The following RUFY1 variants were observed in gnomAD, a reference collection of about 807,000 sequenced individuals.
RUFY1 encodes RUN and FYVE domain-containing protein 1.
A neutral mutation model predicts 94.6 loss-of-function variants in RUFY1; 54 were observed. That is an observed-to-expected ratio of 0.57 (90% CI 0.46 to 0.72). The LOEUF (loss-of-function observed/expected upper bound fraction) is 0.72. RUFY1 is among the 30% of genes least tolerant of loss of function. The pLI is 0.00. For missense variants in RUFY1, 883 were observed against 883.9 expected (o/e 1.00, Z 0.01); for synonymous variants, 396 against 347.3 (o/e 1.14, Z -1.56).
intron 15 of RUFY1, 47 bp from the exon 16 acceptor site, chr5:179,605,829 C>A: frequency 1.2e-5 from 12 of 1,008,010 alleles, no homozygotes; most frequent in Admixed American, 5.2e-5. Flanking sequence ...GGATTCAGAG[C>A]CTCACTCTCT....
At chr5:179,608,562 T>TCTTC in intron 17 of RUFY1, 1 of 985,482 alleles carries the variant, frequency 1.0e-6, no homozygotes, top group Non-Finnish European at 1.2e-6. Context: ...CGAACCAGAC[T>TCTTC]CTTCCTGTAA....
intron 2 of RUFY1, among the ~76,000 whole-genome samples, chr5:179,561,342 G>A (rs1383056592): frequency 1.3e-5 from 2 of 152,056 alleles, no homozygotes; most frequent in East Asian, 3.8e-4. Context: ...GAGAGGAGGG[G>A]AGGACATGAG....
intron 3 of RUFY1, among the ~76,000 whole-genome samples, chr5:179,566,256 TTTCTTTTCTC>T (rs1762820553): frequency 6.6e-6 from 1 of 152,228 alleles, no homozygotes; most frequent in Non-Finnish European, 1.5e-5. Flanking sequence ...CCTTTTTTCT[TTTCTTTTCTC>T]TTCTTTTCTT....
At chr5:179,609,309 A>G in intron 17 of RUFY1, 67 bp from the exon 18 acceptor site, 1 of 1,547,674 alleles carries the variant, frequency 6.5e-7, no homozygotes, top group East Asian at 2.3e-5. Flanking sequence ...CTGGGTCAGG[A>G]AGCAGGGAGG....
rs551377183 is a variant in RUFY1 at position 179,609,164 on chromosome 5, G to GCA, written c.1984-211_1984-210insAC. On this transcript the variant is annotated intron_variant, in intron 17 of 17. Transcript: ENST00000319449. The stretch of plus-strand genomic sequence containing the variant: ...AGAGCTTGCAGTGAGCTGAGATCGC[G>GCA]CCACTGCACTGCAGCCCGGGCGACT... Among the ~76,000 whole-genome samples the GCA allele has an allele frequency of 1.9e-3, 262 of 139,480 alleles. 1 individual carries two copies. Among genetic ancestry groups the GCA allele is most frequent in the African/African-American group, 6.8e-3 (254 of 37,494 alleles). 91.5% of individuals were successfully genotyped at this position (139,480 alleles called of 152,430 possible). A position where few individuals can be genotyped will look rare whatever the true frequency, so the allele number is the denominator to read the frequency against.
intron 14 of RUFY1, 107 bp downstream of exon 14, chr5:179,598,928 G>A (rs1203867684): frequency 1.7e-5 from 22 of 1,311,296 alleles, no homozygotes; most frequent in South Asian, 1.2e-4. Context: ...GGGGCCAGGC[G>A]GCTCCAGGGT....
In RUFY1 at chr5:179,596,544, T is replaced by G. The variant is rs761709098; in HGVS notation, c.1512-18T>G. The G allele has an allele frequency of 1.2e-6, 2 of 1,613,624 alleles. No individual in the cohort carries two copies. The highest frequency in any genetic ancestry group is 2.7e-5 in the African/African-American group (2 of 74,932). On this transcript the variant is annotated intron_variant, in intron 12 of 17. Transcript: ENST00000319449. ...CAAAGATTTGCTTCATTTGCACTCT[T>G]GCTGGTGTCGCATCCAGGTTGCAGC...
chr5:179,556,338 GT>G (rs1762113438), intron 1 of RUFY1, among the ~76,000 whole-genome samples: 1 of 152,118 alleles, frequency 6.6e-6, no homozygotes, highest in Non-Finnish European at 1.5e-5. Flanking sequence ...CAAAAAGTAT[GT>G]AAATAAGTTA....
intron 4 of RUFY1, chr5:179,568,969 C>A: frequency 2.3e-6 from 2 of 883,856 alleles, no homozygotes; most frequent in Non-Finnish European, 2.7e-6. Flanking sequence ...AGAAGTAATT[C>A]ATATCAACAC....
chr5:179,606,011 G>A, intron 16 of RUFY1, 87 bp downstream of exon 16: 1 of 881,976 alleles, frequency 1.1e-6, no homozygotes, highest in Non-Finnish European at 1.9e-6. Flanking sequence ...CAACAGTCAG[G>A]TGAGAGCGTG....
At chr5:179,564,642 C>T (rs1276587093) in intron 3 of RUFY1, among the ~76,000 whole-genome samples, 1 of 150,708 alleles carries the variant, frequency 6.6e-6, no homozygotes, top group Non-Finnish European at 1.5e-5. Context: ...CCACTCCTGC[C>T]TGGATGACAG....
intron 5 of RUFY1, among the ~76,000 whole-genome samples, chr5:179,575,670 C>A (rs1454551750): frequency 6.6e-6 from 1 of 152,290 alleles, no homozygotes; most frequent in East Asian, 1.9e-4. Context: ...AGAGAGGTTG[C>A]AGACATGTGT....
intron 6 of RUFY1, among the ~76,000 whole-genome samples, chr5:179,580,610 A>C (rs1764082662): frequency 6.6e-6 from 1 of 151,548 alleles, no homozygotes; most frequent in Non-Finnish European, 1.5e-5. Context: ...TCGTGTTTTG[A>C]AAAGTCCCGT....
At chr5:179,578,847 T>C (rs1763863974) in intron 6 of RUFY1, among the ~76,000 whole-genome samples, 1 of 151,950 alleles carries the variant, frequency 6.6e-6, no homozygotes, top group Non-Finnish European at 1.5e-5. Flanking sequence ...TTTCTCCATG[T>C]TGGTCAGGCT....
chr5:179,550,961 G>A (rs1305986747), intron 1 of RUFY1, 82 bp downstream of exon 1: 6 of 989,776 alleles, frequency 6.1e-6, no homozygotes, highest in Non-Finnish European at 7.2e-6. Flanking sequence ...GGGCCGGGCT[G>A]GGAGGGCACT....
intron 6 of RUFY1, among the ~76,000 whole-genome samples, chr5:179,580,418 A>ATTTTTTTT (rs1562023411): frequency 6.6e-6 from 1 of 150,410 alleles, no homozygotes. Flanking sequence ...AATTTTTTGT[A>ATTTTTTTT]TTTTTAGTAG....
Position 179,609,414 on chromosome 5 carries a change from C to G in RUFY1, c.2022C>G (p.Thr674=). The G allele has an allele frequency of 6.2e-7, 1 of 1,613,462 alleles. No homozygotes were observed. The highest frequency in any genetic ancestry group is 1.3e-5 in the African/African-American group (1 of 75,006). ...ACTGTGGCCACATCTTCTGCAACAC[C>G]TGCTCCAGCAACGAGCTGGCCCTGC... is the stretch of plus-strand genomic sequence containing the variant. ...CRNCGHIFCN[T]CSSNELALPS... Residue 674 remains threonine, a synonymous_variant, in exon 18 of 18, where the codon ACC becomes ACG. Transcript: ENST00000319449.
intron 5 of RUFY1, among the ~76,000 whole-genome samples, chr5:179,575,657 G>T (rs1763559571): frequency 2.0e-5 from 3 of 152,164 alleles, no homozygotes; most frequent in Admixed American, 2.0e-4. Flanking sequence ...TGGTAGGTGT[G>T]TCAGAGAGGT....
chr5:179,567,641 G>T lies in RUFY1; in HGVS notation c.704+79G>T, dbSNP rs566995011. 2.3e-4 allele frequency: 226 copies of T among 981,940 alleles called. No homozygotes were observed. The African/African-American group carries it at 3.4e-3, about 15-fold the overall frequency. The allele number at this position is 981,940 out of a possible 1,614,324, so 60.8% of individuals were successfully genotyped here. On this transcript the variant is annotated intron_variant, in intron 4 of 17. Coordinates refer to ENST00000319449, the MANE Select transcript of RUFY1 (RefSeq NM_025158.5). ...AGGCTGGGTGCGGTGGCTCACACCT[G>T]TAATCCCAGCACTTTGGGAGGCCAA...
Sources: allele counts gnomAD v4.1 joint callset (sites outside exome capture counted in the v4.1 genomes callset), GRCh38; gene constraint gnomAD v4.1.1; transcripts MANE v1.5; gene names NCBI Gene and HGNC (gene_info 2026-07-23, HGNC 2026-07-21).